Variants in IREB2 observed in about 807,000 individuals in gnomAD.
The protein encoded by IREB2 is iron-responsive element-binding protein 2.
In IREB2, 39 loss-of-function variants were observed where a neutral mutation model predicts 118.8. That is an observed-to-expected ratio of 0.33 (90% CI 0.25 to 0.43). The LOEUF is 0.43. Among genes scored for constraint, IREB2 ranks in the 20% least tolerant of loss-of-function variants. The probability of loss-of-function intolerance (pLI) is 1.00; values close to 1 mark genes in which losing one functional copy is unlikely to be tolerated. For synonymous variants in IREB2, 372 were observed against 392.2 expected, an observed-to-expected ratio of 0.95 and a Z score of 0.61; for missense variants, 900 against 1,147.3, an observed-to-expected ratio of 0.78 and a Z score of 3.11.
rs748472881 is a variant in IREB2 at position 78,488,176 on chromosome 15, TC to T, written c.1795-3del. Reference sequence around the variant, plus strand: ...ATTTGTTTGTGTGTTTGTGTTTTTTTCAGGGTGATTTGGTTACCTGTGGAAT... The same window carrying T: ...ATTTGTTTGTGTGTTTGTGTTTTTTTAGGGTGATTTGGTTACCTGTGGAAT... On this transcript the variant is annotated splice_polypyrimidine_tract_variant and splice_region_variant and intron_variant, in intron 14 of 21. Transcript: ENST00000258886. 1 of 1,604,062 alleles carries T rather than the reference TC, an allele frequency of 6.2e-7. No individual in the cohort carries two copies. The highest frequency in any genetic ancestry group is 8.5e-7 in the Non-Finnish European group (1 of 1,176,656).
At chr15:78,443,565 A>C (rs2050879194) in intron 2 of IREB2, among the ~76,000 whole-genome samples, 1 of 151,646 alleles carries the variant, frequency 6.6e-6, no homozygotes, top group Non-Finnish European at 1.5e-5. Flanking sequence ...CATTGATTAC[A>C]TTTTGATCTT....
chr15:78,441,027 T>A (rs1203972320), intron 2 of IREB2, among the ~76,000 whole-genome samples: 1 of 152,246 alleles, frequency 6.6e-6, no homozygotes, highest in Non-Finnish European at 1.5e-5. Flanking sequence ...GAATGCCACA[T>A]CTGTTGCAGT....
At position 78,478,386 on chromosome 15, in the gene IREB2, G is replaced by A; in HGVS notation, c.1285G>A (p.Glu429Lys). ...TGACCAGAATTCTTCAGGAGAACCT[G>A]AATACTCCCAGGTATATGCAGAATA... Reference protein sequence around the residue: ...RNDQNSSGEPEYSQVIQINLN... With the variant: ...RNDQNSSGEPKYSQVIQINLN... The change falls in exon 10 of 22, where the codon GAA becomes AAA. Residue 429 changes from glutamate (E) to lysine (K), a missense_variant. Glu to Lys is a moderately conservative substitution (Grantham distance 56, BLOSUM62 1). Coordinates refer to ENST00000258886, the MANE Select transcript of IREB2 (RefSeq NM_004136.4). 1 of 1,588,552 alleles carries A rather than the reference G, an allele frequency of 6.3e-7. No individual in the cohort carries two copies. Among genetic ancestry groups the A allele is most frequent in the Non-Finnish European group, 8.6e-7 (1 of 1,156,906 alleles).
chr15:78,471,560 CTT>C (rs1208855446), intron 6 of IREB2, among the ~76,000 whole-genome samples, 179 bp from the exon 7 acceptor site: 1 of 152,040 alleles, frequency 6.6e-6, no homozygotes, highest in Non-Finnish European at 1.5e-5. Context: ...TTAATTTTGT[CTT>C]AATAAAAAAT....
chr15:78,438,736 GC>G (rs1336343750), intron 1 of IREB2: 4 of 323,200 alleles, frequency 1.2e-5, no homozygotes, highest in African/African-American at 6.7e-5. Context: ...GAAGGCGGGG[GC>G]CTGCGTCTCC....
intron 4 of IREB2, 61 bp downstream of exon 4, chr15:78,465,449 G>T (rs1455636133): frequency 2.1e-6 from 3 of 1,439,846 alleles, no homozygotes; most frequent in Admixed American, 4.1e-5. Context: ...AATGTGTCAT[G>T]TAGAGGAAAA....
At chr15:78,448,471 A>G (rs1304325613) in intron 2 of IREB2, among the ~76,000 whole-genome samples, 4 of 151,894 alleles carry the variant, frequency 2.6e-5, no homozygotes, top group Non-Finnish European at 4.4e-5. Flanking sequence ...TAAAAGAGAG[A>G]AAAAAAAGGT....
chr15:78,454,844 C>T lies in IREB2; in HGVS notation c.107-8078C>T, dbSNP rs534232477. On this transcript the variant is annotated intron_variant, in intron 2 of 21. Coordinates refer to ENST00000258886, the MANE Select transcript of IREB2 (RefSeq NM_004136.4). ...TAGTAGTTAGGATCACAGGTGCACA[C>T]CACTGTGCCTGATGAATTTTTTATT... Among the ~76,000 whole-genome samples, 3 of 152,238 alleles carry T rather than the reference C, an allele frequency of 2.0e-5. No homozygotes were observed. In the South Asian group the frequency reaches 6.2e-4, roughly 32 times the overall value.
chr15:78,476,527 C>T (rs547575360), intron 9 of IREB2, 168 bp downstream of exon 9: 26 of 493,966 alleles, frequency 5.3e-5, no homozygotes, highest in Non-Finnish European at 8.5e-5. Flanking sequence ...GTGTTGTGTC[C>T]TCAAACCCTA....
intron 2 of IREB2, among the ~76,000 whole-genome samples, chr15:78,454,697 T>C (rs934965771): frequency 6.6e-6 from 1 of 152,136 alleles, no homozygotes; most frequent in Non-Finnish European, 1.5e-5. Flanking sequence ...TAGGACTTGT[T>C]TTATTATTTA....
chr15:78,442,327 T>C (rs1035144374), intron 2 of IREB2, among the ~76,000 whole-genome samples: 3 of 152,252 alleles, frequency 2.0e-5, no homozygotes, highest in African/African-American at 7.2e-5. Flanking sequence ...TAGGAAGTAT[T>C]TGGTTGTTTA....
chr15:78,456,001 A>G (rs1249801938), intron 2 of IREB2, among the ~76,000 whole-genome samples: 1 of 152,192 alleles, frequency 6.6e-6, no homozygotes, highest in Non-Finnish European at 1.5e-5. Context: ...CAATAGTCTC[A>G]TAATAGGCTG....
intron 2 of IREB2, among the ~76,000 whole-genome samples, chr15:78,453,149 G>A (rs2051052530): frequency 1.3e-5 from 2 of 152,186 alleles, no homozygotes; most frequent in Admixed American, 1.3e-4. Flanking sequence ...CTGGAACAAA[G>A]GTAGTCATTA....
rs574733870 is a variant in IREB2 at position 78,478,515 on chromosome 15, C to T, written c.1296+118C>T. Reference sequence around the variant, plus strand: ...TTCAAGAGTTTGAGACCAGCCTGGGCAATATGGTAAAACCCTGTCACTGCA... The same window carrying T: ...TTCAAGAGTTTGAGACCAGCCTGGGTAATATGGTAAAACCCTGTCACTGCA... On this transcript the variant is annotated intron_variant, in intron 10 of 21. Coordinates refer to ENST00000258886, the MANE Select transcript of IREB2 (RefSeq NM_004136.4). The T allele has an allele frequency of 4.9e-6, 3 of 616,042 alleles. No individual in the cohort carries two copies. In the South Asian group the frequency reaches 6.2e-5, roughly 13 times the overall value. 38.2% of individuals were successfully genotyped at this position (616,042 alleles called of 1,614,324 possible).
chr15:78,465,507 T>C, intron 4 of IREB2, 119 bp downstream of exon 4: 1 of 933,546 alleles, frequency 1.1e-6, no homozygotes, highest in East Asian at 2.6e-5. Context: ...AATTTAGTAT[T>C]GGCTAGTATA....
chr15:78,459,772 C>T (rs2568485), intron 2 of IREB2, among the ~76,000 whole-genome samples: 118,726 of 152,116 alleles, frequency 0.78, 46,649 homozygotes, highest in African/African-American at 0.85. Flanking sequence ...TTGGTTGTTA[C>T]GTCTTTTAAG....
intron 6 of IREB2, 88 bp downstream of exon 6, chr15:78,470,689 CTTTTT>C: frequency 3.3e-4 from 69 of 209,312 alleles, no homozygotes; most frequent in Admixed American, 4.8e-4. Context: ...TTTTCTTTTC[CTTTTT>C]TTTTTTTTTT....
chr15:78,449,972 C>G (rs1212201875), intron 2 of IREB2, among the ~76,000 whole-genome samples: 1 of 152,186 alleles, frequency 6.6e-6, no homozygotes, highest in Non-Finnish European at 1.5e-5. Context: ...ATTACCTGTC[C>G]TTAAAGGGTT....
intron 10 of IREB2, among the ~76,000 whole-genome samples, chr15:78,478,670 C>T (rs2051516916): frequency 6.6e-6 from 1 of 152,148 alleles, no homozygotes; most frequent in Non-Finnish European, 1.5e-5. Flanking sequence ...TGTGCCACTG[C>T]ACTCTAGACT....
Sources: gnomAD v4.1 joint callset for allele counts (sites outside exome capture counted in the v4.1 genomes callset) on GRCh38, gnomAD v4.1.1 for gene constraint, MANE v1.5 for transcripts, NCBI Gene and HGNC (gene_info 2026-07-23, HGNC 2026-07-21) for gene names.